VTI1A: variants seen among roughly 807,000 people sequenced by gnomAD.
The protein encoded by VTI1A is vesicle transport through interaction with t-SNAREs homolog 1A.
A neutral mutation model predicts 34.9 loss-of-function variants in VTI1A; 22 were observed. The ratio of observed to expected loss-of-function variants is 0.63; its 90% CI spans 0.45 to 0.90. The LOEUF is 0.90. Among genes scored for constraint, VTI1A ranks in the 40% least tolerant of loss-of-function variants. The probability of loss-of-function intolerance (pLI) is 0.00; values close to 1 mark genes in which losing one functional copy is unlikely to be tolerated. For synonymous variants in VTI1A, 87 were observed against 97.3 expected (o/e 0.89, Z 0.62); for missense variants, 268 against 275.6 (o/e 0.97, Z 0.20).
intron 5 of VTI1A, among the ~76,000 whole-genome samples, chr10:112,612,852 A>AG (rs1209838804): frequency 6.6e-6 from 1 of 152,238 alleles, no homozygotes; most frequent in East Asian, 1.9e-4. Context: ...TTGACAATAG[A>AG]GAAAAATAAA....
At chr10:112,836,612 C>G in the VTI1A span, among the ~76,000 whole-genome samples, 4 of 152,172 alleles carry the variant, frequency 2.6e-5, no homozygotes, top group South Asian at 4.1e-4. Flanking sequence ...TAACCTGACT[C>G]CAAGATTGGA....
At chr10:112,636,520 T>A (rs1013579475) in intron 5 of VTI1A, among the ~76,000 whole-genome samples, 2 of 151,716 alleles carry the variant, frequency 1.3e-5, no homozygotes, top group African/African-American at 2.4e-5. Flanking sequence ...GGTCAAGAGA[T>A]CGAGACCATC....
rs934126046 is a variant in VTI1A at position 112,592,565 on chromosome 10, A to T, written c.427+54235A>T. On this transcript the variant is annotated intron_variant, in intron 5 of 7. Transcript: ENST00000393077. ...CATATCAGTTTACCTATTTGCATTC[A>T]TCTCTCCCTGACCAAATCACAGCAC... 2.6e-5 allele frequency among the ~76,000 whole-genome samples: 4 copies of T among 152,154 alleles called. 1 individual carries two copies. Among genetic ancestry groups the T allele is most frequent in the Admixed American group, 6.5e-5 (1 of 15,278 alleles).
At chr10:112,814,871 T>C (rs1192183211) in intron 7 of VTI1A, among the ~76,000 whole-genome samples, 1 of 152,180 alleles carries the variant, frequency 6.6e-6, no homozygotes, top group African/African-American at 2.4e-5. Context: ...ATTGCTGACA[T>C]GTGTTTCCTT....
chr10:112,610,898 G>T (rs1347174103), intron 5 of VTI1A, among the ~76,000 whole-genome samples: 3 of 150,874 alleles, frequency 2.0e-5, no homozygotes, highest in Non-Finnish European at 2.9e-5. Flanking sequence ...CAGCCTGGGC[G>T]ACAGAGCGAG....
At chr10:112,576,640 A>G (rs1299186043) in intron 5 of VTI1A, among the ~76,000 whole-genome samples, 1 of 151,906 alleles carries the variant, frequency 6.6e-6, no homozygotes, top group Non-Finnish European at 1.5e-5. Flanking sequence ...CCCATCATCT[A>G]TAATGGTAAT....
chr10:112,451,820 G>C (rs1307232989), intron 1 of VTI1A, among the ~76,000 whole-genome samples: 1 of 152,114 alleles, frequency 6.6e-6, no homozygotes, highest in Non-Finnish European at 1.5e-5. Flanking sequence ...GAATATTGTG[G>C]TTTGCTTAAA....
At chr10:112,736,174 C>T (rs1850464020) in intron 7 of VTI1A, among the ~76,000 whole-genome samples, 1 of 138,882 alleles carries the variant, frequency 7.2e-6, no homozygotes, top group Non-Finnish European at 1.5e-5. Flanking sequence ...AATGCTCTTC[C>T]TCCAGATCTT....
intron 3 of VTI1A, among the ~76,000 whole-genome samples, chr10:112,496,260 T>C (rs1054179531): frequency 7.1e-6 from 1 of 141,346 alleles, no homozygotes; most frequent in Non-Finnish European, 1.5e-5. Flanking sequence ...CTAACCATAG[T>C]TGTTGAAGTA....
At chr10:112,458,811 C>A (rs1054334716) in intron 1 of VTI1A, among the ~76,000 whole-genome samples, 1 of 151,884 alleles carries the variant, frequency 6.6e-6, no homozygotes, top group South Asian at 2.1e-4. Context: ...GGATTACAGG[C>A]GCCCACCACC....
At chr10:112,778,365 A>G (rs1311279680) in intron 7 of VTI1A, among the ~76,000 whole-genome samples, 1 of 152,130 alleles carries the variant, frequency 6.6e-6, no homozygotes, top group Non-Finnish European at 1.5e-5. Flanking sequence ...CACCATTGTT[A>G]CCCCACTTGT....
At chr10:112,670,101 C>G (rs905592186) in intron 7 of VTI1A, among the ~76,000 whole-genome samples, 1 of 152,040 alleles carries the variant, frequency 6.6e-6, no homozygotes, top group Non-Finnish European at 1.5e-5. Context: ...CTAAGAAAAA[C>G]TCAGAATTCA....
At chr10:112,846,253 G>T in the VTI1A span, among the ~76,000 whole-genome samples, 3 of 152,158 alleles carry the variant, frequency 2.0e-5, no homozygotes, top group South Asian at 6.2e-4. Flanking sequence ...CTCTTGAACT[G>T]CATTTCCCCT....
At chr10:112,549,584 A>G (rs1360677649) in intron 5 of VTI1A, among the ~76,000 whole-genome samples, 1 of 152,224 alleles carries the variant, frequency 6.6e-6, no homozygotes, top group Non-Finnish European at 1.5e-5. Context: ...TTTTCCAACC[A>G]TAAATATTTT....
intron 5 of VTI1A, among the ~76,000 whole-genome samples, chr10:112,596,349 GA>G (rs1844645110): frequency 6.6e-6 from 1 of 152,024 alleles, no homozygotes; most frequent in Non-Finnish European, 1.5e-5. Context: ...AATATAGTAT[GA>G]AGACTTTTTT....
chr10:112,459,040 G>A (rs572160456), intron 1 of VTI1A, among the ~76,000 whole-genome samples: 1 of 152,264 alleles, frequency 6.6e-6, no homozygotes, highest in African/African-American at 2.4e-5. Flanking sequence ...CAGCTGGTAG[G>A]TGTTGTACCC....
chr10:112,523,405 G>GTAACAATCAGTTGT (rs2134212701), intron 3 of VTI1A, among the ~76,000 whole-genome samples: 1 of 152,078 alleles, frequency 6.6e-6, no homozygotes, highest in African/African-American at 2.4e-5. Context: ...CTTCTTAGAG[G>GTAACAATCAGTTGT]TAACAATCAG....
At chr10:112,557,145 A>T (rs1004969592) in intron 5 of VTI1A, among the ~76,000 whole-genome samples, 2 of 152,126 alleles carry the variant, frequency 1.3e-5, no homozygotes, top group Non-Finnish European at 2.9e-5. Context: ...TCTTATTTTC[A>T]TACATATTCT....
chr10:112,816,642 G>T lies in VTI1A; in HGVS notation c.*1259G>T. ...CCCAAGCTGAGGTCGTTTCCCCCCA[G>T]TCACAAAGCAGAATGTTTTTCTCAA... On this transcript the variant is annotated 3_prime_UTR_variant, in exon 8 of 8. Transcript: ENST00000393077. 4.4e-6 allele frequency: 1 copy of T among 227,076 alleles called. No individual in the cohort carries two copies. The highest frequency in any genetic ancestry group is 8.8e-6 in the Non-Finnish European group (1 of 114,222). 14.1% of individuals were successfully genotyped at this position (227,076 alleles called of 1,614,324 possible).
Sources: gnomAD v4.1 joint callset for allele counts (sites outside exome capture counted in the v4.1 genomes callset) on GRCh38, gnomAD v4.1.1 for gene constraint, MANE v1.5 for transcripts, NCBI Gene and HGNC (gene_info 2026-07-23, HGNC 2026-07-21) for gene names.